The following IQCM variants were observed in gnomAD, a reference collection of about 807,000 sequenced individuals.
IQCM encodes the protein IQ domain-containing protein M.
In IQCM, 45 loss-of-function variants were observed where a neutral mutation model predicts 57.6. The observed-to-expected ratio is 0.78, with a 90% CI of 0.62 to 1.00. The LOEUF (loss-of-function observed/expected upper bound fraction) is 1.00, where lower values mean the gene tolerates loss of function less well. Ranked by LOEUF, IQCM falls within the 50% of genes least tolerant of loss-of-function variation. The pLI is 0.00. For missense variants in IQCM, 468 were observed against 511.6 expected (o/e 0.91, Z 0.82); for synonymous variants, 148 against 158.9 (o/e 0.93, Z 0.51).
At chr4:149,501,901 C>T (rs949635913) in intron 12 of IQCM, among the ~76,000 whole-genome samples, 2 of 152,138 alleles carry the variant, frequency 1.3e-5, no homozygotes, top group Admixed American at 1.3e-4. Context: ...AAGAAGACAT[C>T]ATCTGAAAGC....
intron 9 of IQCM, among the ~76,000 whole-genome samples, chr4:149,584,923 G>A (rs1296182309): frequency 6.6e-6 from 1 of 151,722 alleles, no homozygotes; most frequent in Non-Finnish European, 1.5e-5. Context: ...AAGTGCTGCT[G>A]CAGCATTTTT....
chr4:149,424,065 T>C (rs1439533274), intron 13 of IQCM, among the ~76,000 whole-genome samples: 1 of 151,894 alleles, frequency 6.6e-6, no homozygotes, highest in Non-Finnish European at 1.5e-5. Context: ...TTAAATAGTT[T>C]ATGCACAAAT....
intron 5 of IQCM, among the ~76,000 whole-genome samples, chr4:149,716,087 ATCTGCCCCTT>A (rs1764968466): frequency 6.6e-6 from 1 of 152,152 alleles, no homozygotes; most frequent in African/African-American, 2.4e-5. Flanking sequence ...CTTCACTGGG[ATCTGCCCCTT>A]TCTGCCCAGG....
chr4:149,458,066 C>G (rs1253621037), intron 12 of IQCM, among the ~76,000 whole-genome samples: 2 of 151,608 alleles, frequency 1.3e-5, no homozygotes, highest in Non-Finnish European at 2.9e-5. Flanking sequence ...AACAAACAAC[C>G]AACAAAAAAA....
At chr4:149,450,693 CA>C (rs1254091899) in intron 12 of IQCM, among the ~76,000 whole-genome samples, 1 of 151,474 alleles carries the variant, frequency 6.6e-6, no homozygotes, top group Admixed American at 6.6e-5. Context: ...AGCTTATATC[CA>C]AAAGACAGGC....
At chr4:149,491,464 T>C (rs1364517836) in intron 12 of IQCM, among the ~76,000 whole-genome samples, 1 of 152,134 alleles carries the variant, frequency 6.6e-6, no homozygotes, top group African/African-American at 2.4e-5. Flanking sequence ...TTTCTACTTC[T>C]ATGAGTACAA....
At chr4:149,797,933 TAAAG>T (rs1773261741) in intron 2 of IQCM, among the ~76,000 whole-genome samples, 1 of 151,094 alleles carries the variant, frequency 6.6e-6, no homozygotes, top group African/African-American at 2.4e-5. Flanking sequence ...CAGGAAATGC[TAAAG>T]AGAGTACTTC....
intron 13 of IQCM, among the ~76,000 whole-genome samples, chr4:149,368,618 AAT>A: frequency 6.6e-6 from 1 of 151,222 alleles, no homozygotes; most frequent in Non-Finnish European, 1.5e-5. Context: ...ATACAAGATC[AAT>A]TTTAGGGCTT....
chr4:149,402,917 GA>G (rs1444046470), intron 13 of IQCM, among the ~76,000 whole-genome samples: 2 of 151,784 alleles, frequency 1.3e-5, no homozygotes, highest in Non-Finnish European at 2.9e-5. Flanking sequence ...ACCAAACCAG[GA>G]TGTTAATCAA....
At chr4:149,356,546 G>C (rs936527473) in intron 13 of IQCM, among the ~76,000 whole-genome samples, 3 of 152,142 alleles carry the variant, frequency 2.0e-5, no homozygotes, top group African/African-American at 4.8e-5. Context: ...TCAAAGATCA[G>C]ATAGTTGTAG....
At chr4:149,433,969 T>G (rs899066922) in intron 12 of IQCM, among the ~76,000 whole-genome samples, 5 of 152,114 alleles carry the variant, frequency 3.3e-5, no homozygotes, top group African/African-American at 1.2e-4. Flanking sequence ...ACTAAAATAA[T>G]TAATATTCCT....
intron 9 of IQCM, 30 bp from the exon 10 acceptor site, chr4:149,563,920 A>G (rs1205966224): frequency 5.5e-6 from 6 of 1,086,072 alleles, no homozygotes; most frequent in Admixed American, 4.2e-5. Flanking sequence ...CTTATTATAC[A>G]TAATATGAAA....
chr4:149,502,613 G>A (rs898523775), intron 12 of IQCM, among the ~76,000 whole-genome samples: 4 of 152,170 alleles, frequency 2.6e-5, no homozygotes, highest in African/African-American at 9.7e-5. Context: ...GGTCGAGGCT[G>A]CAGTGAGCCA....
intron 9 of IQCM, among the ~76,000 whole-genome samples, chr4:149,581,474 G>A (rs1023161171): frequency 2.0e-5 from 3 of 151,416 alleles, no homozygotes; most frequent in Non-Finnish European, 4.4e-5. Flanking sequence ...TGTATAATAG[G>A]TGAAGAGAGA....
At chr4:149,658,687 T>G (rs548925736) in intron 7 of IQCM, among the ~76,000 whole-genome samples, 1 of 152,144 alleles carries the variant, frequency 6.6e-6, no homozygotes, top group Non-Finnish European at 1.5e-5. Context: ...AATGAAGACA[T>G]CTTTCACAAC....
rs1217103191 is a variant in IQCM, at chr4:149,815,801, C to T, written c.-288G>A. 1 of 151,902 alleles carries T rather than the reference C, an allele frequency of 6.6e-6. No individual in the cohort carries two copies. The highest frequency in any genetic ancestry group is 1.5e-5 in the Non-Finnish European group (1 of 67,872). The allele number at this position is 151,902 out of a possible 1,614,324, so 9.4% of individuals were successfully genotyped here. A position where few individuals can be genotyped will look rare whatever the true frequency, so the allele number is the denominator to read the frequency against. ...ATTTCAAATAGATTCCTAAATCCTG[C>T]CAATCTTCTGATTGCTTCTTCTCAC... On this transcript the variant is annotated 5_prime_UTR_variant, in exon 1 of 14. Transcript: ENST00000636793.
At chr4:149,361,668 G>T (rs1162852155) in intron 13 of IQCM, among the ~76,000 whole-genome samples, 1 of 152,156 alleles carries the variant, frequency 6.6e-6, no homozygotes, top group Non-Finnish European at 1.5e-5. Context: ...TGAGGTGTGG[G>T]TACCTCCTCC....
intron 12 of IQCM, among the ~76,000 whole-genome samples, chr4:149,442,961 G>C (rs879842368): frequency 0.078 from 7,846 of 100,872 alleles, 237 homozygotes; most frequent in East Asian, 0.19. Context: ...CACAGAGAGA[G>C]AGAGAGAGAG....
Position 149,794,148 on chromosome 4 carries a change from G to A in IQCM, c.-49+21163C>T, listed in dbSNP as rs985549494. Among the ~76,000 whole-genome samples the A allele has an allele frequency of 3.3e-5, 5 of 152,316 alleles. 1 individual carries two copies. In the South Asian group the frequency reaches 1.0e-3, roughly 32 times the overall value. On this transcript the variant is annotated intron_variant, in intron 2 of 13. Coordinates refer to ENST00000636793, the MANE Select transcript of IQCM (RefSeq NM_001363507.2). ...TGTGCCCAGGAAAGAACCCAGAAAG[G>A]ATTTAACCACACAGGCTAGAAATGG...
Sources: allele counts gnomAD v4.1 joint callset (sites outside exome capture counted in the v4.1 genomes callset), GRCh38; gene constraint gnomAD v4.1.1; transcripts MANE v1.5; gene names NCBI Gene and HGNC (gene_info 2026-07-23, HGNC 2026-07-21).